Variants in PROSER3 observed in about 807,000 individuals in gnomAD.
PROSER3 encodes proline and serine-rich protein 3.
A neutral mutation model predicts 50.2 loss-of-function variants in PROSER3; 33 were observed. The observed-to-expected ratio is 0.66, with a 90% CI of 0.50 to 0.88. The LOEUF (loss-of-function observed/expected upper bound fraction) is 0.88, where lower values mean the gene tolerates loss of function less well. Ranked by LOEUF, PROSER3 falls within the 40% of genes least tolerant of loss-of-function variation. The pLI is 0.00. For missense variants in PROSER3, 623 were observed against 612.7 expected, an observed-to-expected ratio of 1.02 and a Z score of -0.18; for synonymous variants, 266 against 259.3, an observed-to-expected ratio of 1.03 and a Z score of -0.25.
chr19:35,762,320 A>C, exon 5 of PROSER3: 1 of 1,610,144 alleles, frequency 6.2e-7, no homozygotes, highest in South Asian at 1.1e-5. Flanking sequence ...TGACCAGTGC[A>C]TCCCATGCTG....
chr19:35,766,947 C>T lies in PROSER3; in HGVS notation c.949C>T (p.Arg317Cys), dbSNP rs533506839. ...GGTGCCGCCTCTGACCCCTGCCCTCCGCACGTTGGTGAGCCGAGGGAGGGA... is the reference window on the plus strand; with the variant it reads ...GGTGCCGCCTCTGACCCCTGCCCTCTGCACGTTGGTGAGCCGAGGGAGGGA... The change falls in exon 8 of 11, where the codon CGC (arginine) becomes TGC (cysteine). Residue 317 changes from arginine (R) to cysteine (C), a missense_variant. Arg to Cys is a radical substitution (Grantham distance 180, BLOSUM62 -3). Coordinates refer to ENST00000396908, the Ensembl canonical transcript of PROSER3. 3.7e-5 allele frequency: 57 copies of T among 1,551,388 alleles called. No individual in the cohort carries two copies. Among genetic ancestry groups the T allele is most frequent in the South Asian group, 5.9e-5 (5 of 84,074 alleles).
chr19:35,765,561 CAGAG>C (rs921701431), intron 7 of PROSER3, among the ~76,000 whole-genome samples: 2 of 151,910 alleles, frequency 1.3e-5, no homozygotes, highest in Non-Finnish European at 2.9e-5. Context: ...GCTTGGGCGA[CAGAG>C]AGAGACTCCA....
At chr19:35,766,939 C>T in exon 8 of PROSER3, 1 of 1,553,854 alleles carries the variant, frequency 6.4e-7, no homozygotes. Flanking sequence ...CCTCTGACCC[C>T]TGCCCTCCGC....
At chr19:35,766,296 C>T (rs1353090272) in intron 7 of PROSER3, among the ~76,000 whole-genome samples, 1 of 152,146 alleles carries the variant, frequency 6.6e-6, no homozygotes, top group Admixed American at 6.5e-5. Flanking sequence ...ATAATCCCAG[C>T]ACTTTGGGAG....
exon 9 of PROSER3, chr19:35,768,032 G>T (rs763980148): frequency 1.9e-6 from 3 of 1,580,512 alleles, no homozygotes; most frequent in African/African-American, 1.3e-5. Flanking sequence ...GGCCCTGCTT[G>T]CCCAGGCCGC....
chr19:35,759,483 C>A lies in PROSER3; in HGVS notation c.108+13C>A. On this transcript the variant is annotated intron_variant, in intron 2 of 10. Coordinates refer to ENST00000396908, the Ensembl canonical transcript of PROSER3. ...CTGGTGTCCCAAGGTGAGGACACCC[C>A]TCAAAGAGTGCTGAGTGCCAGCCCA... 6.2e-7 allele frequency: 1 copy of A among 1,602,682 alleles called. No individual in the cohort carries two copies. The highest frequency in any genetic ancestry group is 8.5e-7 in the Non-Finnish European group (1 of 1,172,154).
chr19:35,768,345 GC>G (rs1971242613), intron 10 of PROSER3, 58 bp from the exon 11 acceptor site: 1 of 1,581,982 alleles, frequency 6.3e-7, no homozygotes, highest in Non-Finnish European at 8.6e-7. Flanking sequence ...TCCGTCCACA[GC>G]CCCAGATTCT....
At chr19:35,767,707 C>A in intron 8 of PROSER3, 2 of 1,440,444 alleles carry the variant, frequency 1.4e-6, no homozygotes, top group Non-Finnish European at 1.9e-6. Context: ...ACTTCGAGGG[C>A]CCCCCTCCAC....
rs781248272 is a variant in PROSER3 at position 35,767,842 on chromosome 19, G to T, written c.996G>T (p.Ala332=). 11 of 1,612,970 alleles carry T rather than the reference G, an allele frequency of 6.8e-6. No individual in the cohort carries two copies. In the East Asian group the frequency reaches 2.2e-4, roughly 33 times the overall value. Reference sequence around the variant, plus strand: ...AAGCCAAGGCCTTGCCGCCCGCAGCGGGGTCAGTGATACGGAAGAGCGAAG... The same window carrying T: ...AAGCCAAGGCCTTGCCGCCCGCAGCTGGGTCAGTGATACGGAAGAGCGAAG... Residue 332 remains alanine (A), a synonymous_variant, in exon 9 of 11, where the codon GCG becomes GCT. Transcript: ENST00000396908.
At chr19:35,767,123 C>A in intron 8 of PROSER3, 1 of 897,544 alleles carries the variant, frequency 1.1e-6, no homozygotes, top group South Asian at 2.0e-5. Flanking sequence ...CCAGCCTAAC[C>A]ATGTCCCACT....
exon 9 of PROSER3, chr19:35,767,883 G>A: frequency 6.2e-7 from 1 of 1,613,270 alleles, no homozygotes; most frequent in Non-Finnish European, 8.5e-7. Flanking sequence ...CCTTCCCCTG[G>A]AGCCTGCCTG....
At chr19:35,769,112 T>A (rs1971269342) in exon 11 of PROSER3, 1 of 152,280 alleles carries the variant, frequency 6.6e-6, no homozygotes, top group South Asian at 2.1e-4. Flanking sequence ...TGCTCTTGTC[T>A]AGCTTAATGA....
intron 1 of PROSER3, 91 bp from the exon 2 acceptor site, chr19:35,759,283 G>A: frequency 1.1e-6 from 1 of 951,900 alleles, no homozygotes; most frequent in Admixed American, 2.4e-5. Context: ...GGAATCTATG[G>A]GAATTGTCTG....
chr19:35,765,249 A>C, intron 7 of PROSER3, 73 bp downstream of exon 7: 2 of 1,509,530 alleles, frequency 1.3e-6, no homozygotes, highest in Non-Finnish European at 1.8e-6. Context: ...CAGCTATGGG[A>C]CTTTGGGCCT....
chr19:35,767,340 C>T (rs1049464641), intron 8 of PROSER3: 7 of 274,626 alleles, frequency 2.5e-5, no homozygotes, highest in African/African-American at 1.1e-4. Context: ...TCTACCCTCG[C>T]GCCCCCGGCT....
At chr19:35,766,073 T>C (rs1971132005) in intron 7 of PROSER3, among the ~76,000 whole-genome samples, 1 of 151,466 alleles carries the variant, frequency 6.6e-6, no homozygotes, top group African/African-American at 2.4e-5. Context: ...TGGCTGAGAG[T>C]AGGGAACAGA....
At chr19:35,762,127 C>T (rs373874009) in exon 4 of PROSER3, 1 of 1,601,394 alleles carries the variant, frequency 6.2e-7, no homozygotes, top group African/African-American at 1.3e-5. Context: ...CTCCAGACCC[C>T]AGCAGTCAAA....
chr19:35,767,001 T>A, intron 8 of PROSER3, 46 bp downstream of exon 8: 2 of 1,521,376 alleles, frequency 1.3e-6, no homozygotes, highest in Non-Finnish European at 1.8e-6. Flanking sequence ...GAGGAGGGGC[T>A]GGGTCTGAGG....
At chr19:35,766,271 CTG>C (rs1463986625) in intron 7 of PROSER3, among the ~76,000 whole-genome samples, 2 of 152,252 alleles carry the variant, frequency 1.3e-5, no homozygotes, top group East Asian at 3.9e-4. Context: ...AAACCAGGCA[CTG>C]TGACTCACGC....
Sources: gnomAD v4.1 joint callset for allele counts (sites outside exome capture counted in the v4.1 genomes callset) on GRCh38, gnomAD v4.1.1 for gene constraint, MANE v1.5 for transcripts, NCBI Gene and HGNC (gene_info 2026-07-23, HGNC 2026-07-21) for gene names.